The following ANO10 variants were observed in gnomAD, a reference collection of about 807,000 sequenced individuals.
ANO10 encodes anoctamin-10.
A neutral mutation model predicts 74.7 loss-of-function variants in ANO10; 77 were observed. The ratio of observed to expected loss-of-function variants is 1.03; its 90% CI spans 0.86 to 1.25. ANO10 has a LOEUF of 1.25. Among genes scored for constraint, ANO10 ranks in the 50% most tolerant of loss-of-function variants. The probability of loss-of-function intolerance (pLI) is 0.00; values close to 1 mark genes in which losing one functional copy is unlikely to be tolerated. For missense variants in ANO10, 721 were observed against 778.1 expected, an observed-to-expected ratio of 0.93 and a Z score of 0.87; for synonymous variants, 279 against 284.9, an observed-to-expected ratio of 0.98 and a Z score of 0.21.
chr3:43,645,713 C>A (rs2083719424), intron 1 of ANO10, among the ~76,000 whole-genome samples: 1 of 152,088 alleles, frequency 6.6e-6, no homozygotes, highest in African/African-American at 2.4e-5. Context: ...CCAGTCAAGC[C>A]CCTAGAGCTA....
At chr3:43,429,570 C>G (rs749236846) in intron 12 of ANO10, among the ~76,000 whole-genome samples, 1 of 152,040 alleles carries the variant, frequency 6.6e-6, no homozygotes, top group Non-Finnish European at 1.5e-5. Flanking sequence ...AAAACTCTTC[C>G]AGAGACAAGG....
chr3:43,685,497 A>G (rs1128314), intron 1 of ANO10, among the ~76,000 whole-genome samples: 1 of 152,192 alleles, frequency 6.6e-6, no homozygotes, highest in African/African-American at 2.4e-5. Context: ...ACTGAAGCAA[A>G]CATCTTTTTA....
At position 43,612,711 on chromosome 3, in the gene ANO10, T is replaced by C. The variant is rs12632557; in HGVS notation, c.-11-6848A>G. On this transcript the variant is annotated intron_variant, in intron 1 of 12. Coordinates refer to ENST00000292246, the MANE Select transcript of ANO10 (RefSeq NM_018075.5). The stretch of plus-strand genomic sequence containing the variant: ...ACAATCACAAAGGAGTGGCCAACAC[T>C]GCATAACATCTTTCTTTTCTTCAGT... 2.7e-3 allele frequency among the ~76,000 whole-genome samples: 415 copies of C among 152,356 alleles called. 6 individuals are homozygous for C. The East Asian group carries it at 0.04, about 15-fold the overall frequency.
rs2080283209 is a variant in ANO10 at position 43,565,722 on chromosome 3, G to A, written c.1224C>T (p.Asn408=). 1 of 1,476,224 alleles carries A rather than the reference G, an allele frequency of 6.8e-7. No homozygotes were observed. The highest frequency in any genetic ancestry group is 9.1e-7 in the Non-Finnish European group (1 of 1,096,594). 91.4% of individuals were successfully genotyped at this position (1,476,224 alleles called of 1,614,324 possible). The change falls in exon 8 of 13, where the codon AAC becomes AAT. Residue 408 remains asparagine (N), a synonymous_variant. Transcript: ENST00000292246. ...NHLILKVLVF[N]FLNCFASLFY... ...AGAGTGAGGCAAAGCAATTGAGGAA[G>A]TTGAACTGCCAAAAAAAAAAAAAAA...
chr3:43,384,488 A>G (rs1271526827), intron 12 of ANO10, among the ~76,000 whole-genome samples: 1 of 152,246 alleles, frequency 6.6e-6, no homozygotes, highest in African/African-American at 2.4e-5. Flanking sequence ...CTAAGCAAAA[A>G]GAACAAATCT....
At chr3:43,622,715 C>A (rs1470721079), upstream of ANO10, among the ~76,000 whole-genome samples, 1 of 152,142 alleles carries the variant, frequency 6.6e-6, no homozygotes, top group Non-Finnish European at 1.5e-5. Flanking sequence ...GCTTGGCTCA[C>A]TTCCTCACCT....
chr3:43,502,672 A>G (rs1196118297), intron 11 of ANO10, among the ~76,000 whole-genome samples: 1 of 152,252 alleles, frequency 6.6e-6, no homozygotes, highest in African/African-American at 2.4e-5. Context: ...ACAGCTAAAA[A>G]GTGGATGCAT....
At chr3:43,672,540 AAAAC>A (rs1040547259) in intron 1 of ANO10, among the ~76,000 whole-genome samples, 21 of 152,266 alleles carry the variant, frequency 1.4e-4, no homozygotes, top group East Asian at 1.2e-3. Context: ...TAAAAATTAA[AAAAC>A]AAACAAACAA....
chr3:43,472,481 G>T (rs975094780), intron 11 of ANO10: 2 of 151,888 alleles, frequency 1.3e-5, no homozygotes, highest in Admixed American at 6.6e-5. Flanking sequence ...CAAAAAAGAG[G>T]GTCTGAAGTT....
intron 1 of ANO10, among the ~76,000 whole-genome samples, chr3:43,642,553 T>C (rs911112780): frequency 2.0e-5 from 3 of 152,190 alleles, no homozygotes; most frequent in African/African-American, 7.2e-5. Flanking sequence ...TTTACTTTTG[T>C]CTTTTTTATT....
At chr3:43,587,355 T>C (rs3772170) in intron 4 of ANO10, among the ~76,000 whole-genome samples, 1 of 152,032 alleles carries the variant, frequency 6.6e-6, no homozygotes. Context: ...CAGTCTAGAA[T>C]GGTGCAGGAA....
intron 9 of ANO10, among the ~76,000 whole-genome samples, chr3:43,556,461 C>T (rs1289107168): frequency 1.3e-5 from 2 of 152,168 alleles, no homozygotes; most frequent in South Asian, 4.1e-4. Context: ...TGTTTCCCCA[C>T]ACTCTGTGTT....
intron 11 of ANO10, among the ~76,000 whole-genome samples, chr3:43,459,708 G>A (rs1301187589): frequency 1.3e-5 from 2 of 152,306 alleles, no homozygotes; most frequent in East Asian, 3.9e-4. Context: ...ACCATTCAAG[G>A]GGGAAAGTGC....
rs114648117 is a variant in ANO10 at position 43,440,398 on chromosome 3, A to G, written c.1798-7671T>C. 5.3e-3 allele frequency among the ~76,000 whole-genome samples: 807 copies of G among 152,258 alleles called. 8 individuals are homozygous for G. The highest frequency in any genetic ancestry group is 0.019 in the African/African-American group (775 of 41,540). ...AAATGGCAACAAAAAGAGAGCCAGA[A>G]TGACCATACTTACATCAGACAAAAT... On this transcript the variant is annotated intron_variant, in intron 11 of 12. Transcript: ENST00000292246.
At chr3:43,493,954 T>TTGAACTCC (rs2076823353) in intron 11 of ANO10, among the ~76,000 whole-genome samples, 1 of 152,170 alleles carries the variant, frequency 6.6e-6, no homozygotes, top group East Asian at 1.9e-4. Flanking sequence ...TAGGCTAGTC[T>TTGAACTCC]TGAACTCCTG....
intron 11 of ANO10, 45 bp downstream of exon 11, chr3:43,549,675 A>G (rs1274143379): frequency 1.9e-6 from 3 of 1,608,784 alleles, no homozygotes; most frequent in African/African-American, 1.3e-5. Flanking sequence ...GAATAGAGAA[A>G]CGTAATATGG....
chr3:43,640,290 C>T (rs1187438431), intron 1 of ANO10, among the ~76,000 whole-genome samples: 1 of 152,210 alleles, frequency 6.6e-6, no homozygotes, highest in Non-Finnish European at 1.5e-5. Context: ...CACCACTCAA[C>T]CAAGTCCATT....
chr3:43,605,585 A>G (rs937944366), intron 2 of ANO10, 129 bp downstream of exon 2: 2 of 1,280,584 alleles, frequency 1.6e-6, no homozygotes, highest in African/African-American at 1.5e-5. Context: ...ATTAGTAAAT[A>G]AAATATATCA....
chr3:43,635,605 C>G (rs2083600368), intron 1 of ANO10, among the ~76,000 whole-genome samples: 1 of 150,640 alleles, frequency 6.6e-6, no homozygotes, highest in Admixed American at 6.6e-5. Flanking sequence ...TTCGTATAAT[C>G]TGGTAAGCTC....
Sources: allele counts gnomAD v4.1 joint callset (sites outside exome capture counted in the v4.1 genomes callset), GRCh38; gene constraint gnomAD v4.1.1; transcripts MANE v1.5; gene names NCBI Gene and HGNC (gene_info 2026-07-23, HGNC 2026-07-21).